Variants in DUSP16 observed in about 807,000 individuals in gnomAD.
DUSP16 encodes dual specificity phosphatase 16.
Under a neutral mutation model 58.3 loss-of-function variants are expected in DUSP16, and 21 were observed. That is an observed-to-expected ratio of 0.36 (90% CI 0.26 to 0.52). DUSP16 has a LOEUF of 0.52. Among genes scored for constraint, DUSP16 ranks in the 20% least tolerant of loss-of-function variants. The pLI is 0.94. For synonymous variants in DUSP16, 320 were observed against 323.8 expected (o/e 0.99, Z 0.12); for missense variants, 726 against 819.0 (o/e 0.89, Z 1.39).
rs557513095 is a variant in DUSP16, at chr12:12,555,564, TATTA to T, written c.-366+6549_-366+6552del. Among the ~76,000 whole-genome samples, 15 of 152,324 alleles carry T rather than the reference TATTA, an allele frequency of 9.8e-5. No homozygotes were observed. The East Asian group carries it at 2.5e-3, about 25-fold the overall frequency. Reference sequence around the variant, plus strand: ...TAAGAGAAATAATGGATATATTAAATATTAATTATCTTGCCATACCATTACATCT... The same window carrying T: ...TAAGAGAAATAATGGATATATTAAATATTATCTTGCCATACCATTACATCT... On this transcript the variant is annotated intron_variant, in intron 1 of 6. Coordinates refer to ENST00000298573, the MANE Select transcript of DUSP16 (RefSeq NM_030640.3).
intron 3 of DUSP16, among the ~76,000 whole-genome samples, chr12:12,505,331 C>G (rs1367897158): frequency 6.6e-6 from 1 of 152,210 alleles, no homozygotes; most frequent in African/African-American, 2.4e-5. Context: ...TGGTCCTCTC[C>G]CAAACTGATG....
chr12:12,481,626 C>T (rs1267012609), intron 5 of DUSP16, among the ~76,000 whole-genome samples: 2 of 152,142 alleles, frequency 1.3e-5, no homozygotes, highest in African/African-American at 4.8e-5. Flanking sequence ...ATATATAAAG[C>T]AACATACAGG....
intron 3 of DUSP16, among the ~76,000 whole-genome samples, chr12:12,512,713 T>C (rs558910375): frequency 1.3e-5 from 2 of 152,340 alleles, no homozygotes; most frequent in Admixed American, 6.5e-5. Flanking sequence ...CATCTATTTT[T>C]AGTCTGTTTT....
At chr12:12,546,531 G>GT (rs1944642761) in intron 1 of DUSP16, among the ~76,000 whole-genome samples, 1 of 152,186 alleles carries the variant, frequency 6.6e-6, no homozygotes, top group Non-Finnish European at 1.5e-5. Context: ...ACACCCAGGT[G>GT]TTTTTAGTAT....
At chr12:12,541,017 GTGC>G (rs1944551161) in intron 1 of DUSP16, among the ~76,000 whole-genome samples, 1 of 138,630 alleles carries the variant, frequency 7.2e-6, no homozygotes, top group African/African-American at 2.8e-5. Flanking sequence ...GAGTGCAGTG[GTGC>G]TGATCATGGC....
intron 1 of DUSP16, among the ~76,000 whole-genome samples, chr12:12,560,399 T>A (rs1425142434): frequency 6.6e-6 from 1 of 152,220 alleles, no homozygotes; most frequent in Non-Finnish European, 1.5e-5. Context: ...AGTGCAAAAA[T>A]TATTTTACCT....
At position 12,507,880 on chromosome 12, in the gene DUSP16, A is replaced by G. The variant is rs531136611; in HGVS notation, c.368-7198T>C. On this transcript the variant is annotated intron_variant, in intron 3 of 6. Transcript: ENST00000298573. ...CGCCTTGGCCTCCCAAAGCGCTGGG[A>G]TTACAGGCGTGAGCCACCGTGCCCA... Among the ~76,000 whole-genome samples the G allele has an allele frequency of 9.8e-5, 15 of 152,362 alleles. No homozygotes were observed. In the East Asian group the frequency reaches 2.7e-3, roughly 27 times the overall value.
chr12:12,544,314 C>A (rs1199972562), intron 1 of DUSP16, among the ~76,000 whole-genome samples: 1 of 152,148 alleles, frequency 6.6e-6, no homozygotes, highest in Non-Finnish European at 1.5e-5. Flanking sequence ...TTCACTTCTA[C>A]CTAGTATCTC....
chr12:12,489,964 T>C (rs1943739672), intron 4 of DUSP16, among the ~76,000 whole-genome samples: 1 of 152,222 alleles, frequency 6.6e-6, no homozygotes, highest in Non-Finnish European at 1.5e-5. Context: ...CTCATTTAAT[T>C]CTCACAACCA....
At chr12:12,518,475 C>T (rs893914797) in intron 3 of DUSP16, among the ~76,000 whole-genome samples, 3 of 151,096 alleles carry the variant, frequency 2.0e-5, no homozygotes, top group East Asian at 1.9e-4. Context: ...GTCACACCAC[C>T]GCACTCTAGC....
chr12:12,528,803 T>C (rs547519991), intron 1 of DUSP16, among the ~76,000 whole-genome samples: 1 of 152,160 alleles, frequency 6.6e-6, no homozygotes, highest in South Asian at 2.1e-4. Flanking sequence ...ACATTTCCTA[T>C]GATAGACGCC....
chr12:12,491,351 CATCTT>C (rs1943758878), intron 4 of DUSP16: 1 of 151,916 alleles, frequency 6.6e-6, no homozygotes, highest in African/African-American at 2.4e-5. Context: ...ATACCTGACT[CATCTT>C]ATTGTTTGTA....
chr12:12,560,480 A>T (rs571061089), intron 1 of DUSP16, among the ~76,000 whole-genome samples: 119 of 152,232 alleles, frequency 7.8e-4, no homozygotes, highest in African/African-American at 2.8e-3. Context: ...TAGCCAAATT[A>T]AAAAAAATTT....
At chr12:12,507,079 A>G (rs189510474) in intron 3 of DUSP16, among the ~76,000 whole-genome samples, 3 of 152,320 alleles carry the variant, frequency 2.0e-5, no homozygotes, top group Admixed American at 2.0e-4. Flanking sequence ...AATAAAATAC[A>G]TATAACAACT....
intron 1 of DUSP16, among the ~76,000 whole-genome samples, chr12:12,532,393 G>A (rs1474619989): frequency 6.6e-6 from 1 of 152,106 alleles, no homozygotes; most frequent in East Asian, 1.9e-4. Context: ...TGAGAATAAA[G>A]TCAAGTCTCA....
At position 12,504,272 on chromosome 12, in the gene DUSP16, C is replaced by CT. The variant is rs201675995; in HGVS notation, c.368-3591dup. ...ATTAACATGTAGTTTTGGTGTTTCT[C>CT]TTTTTTTTCTTAAAGACAGGGTCTC... On this transcript the variant is annotated intron_variant, in intron 3 of 6. Coordinates refer to ENST00000298573, the MANE Select transcript of DUSP16 (RefSeq NM_030640.3). 4.7e-3 allele frequency among the ~76,000 whole-genome samples: 713 copies of CT among 152,032 alleles called. 8 individuals are homozygous for CT. Among genetic ancestry groups the CT allele is most frequent in the African/African-American group, 0.016 (645 of 41,460 alleles).
At chr12:12,483,375 T>A (rs1461319286) in intron 5 of DUSP16, among the ~76,000 whole-genome samples, 1 of 152,190 alleles carries the variant, frequency 6.6e-6, no homozygotes, top group East Asian at 1.9e-4. Context: ...TTATTTTTAT[T>A]TTATCTTTTT....
At chr12:12,483,161 G>A (rs1160130228) in intron 5 of DUSP16, among the ~76,000 whole-genome samples, 2 of 152,132 alleles carry the variant, frequency 1.3e-5, no homozygotes, top group African/African-American at 4.8e-5. Context: ...AGAGAGAACT[G>A]CAAATGAAAA....
At chr12:12,508,370 A>C (rs1187728533) in intron 3 of DUSP16, among the ~76,000 whole-genome samples, 2 of 152,230 alleles carry the variant, frequency 1.3e-5, no homozygotes, top group Non-Finnish European at 2.9e-5. Flanking sequence ...CCCTAAAGAA[A>C]GCAAACAAAA....
Sources: allele counts gnomAD v4.1 joint callset (sites outside exome capture counted in the v4.1 genomes callset), GRCh38; gene constraint gnomAD v4.1.1; transcripts MANE v1.5; gene names NCBI Gene and HGNC (gene_info 2026-07-23, HGNC 2026-07-21).